Variants in DNAJC13 observed in about 807,000 individuals in gnomAD.
DNAJC13 encodes the protein dnaJ homolog subfamily C member 13.
A neutral mutation model predicts 290.5 loss-of-function variants in DNAJC13; 75 were observed. That is an observed-to-expected ratio of 0.26 (90% confidence interval 0.21 to 0.31). The LOEUF is 0.31. Among genes scored for constraint, DNAJC13 ranks in the 10% least tolerant of loss-of-function variants. The probability of loss-of-function intolerance (pLI) is 1.00; values close to 1 mark genes in which losing one functional copy is unlikely to be tolerated. For synonymous variants in DNAJC13, 862 were observed against 892.0 expected (o/e 0.97, Z 0.60); for missense variants, 2,260 against 2,674.5 (o/e 0.85, Z 3.42).
At chr3:132,445,799 G>T (rs1480491639) in intron 2 of DNAJC13, among the ~76,000 whole-genome samples, 1 of 151,746 alleles carries the variant, frequency 6.6e-6, no homozygotes, top group Admixed American at 6.6e-5. Context: ...TAATTATTTT[G>T]CTTTAAATAA....
intron 42 of DNAJC13, among the ~76,000 whole-genome samples, chr3:132,506,382 A>G (rs1935589269): frequency 6.6e-6 from 1 of 151,458 alleles, no homozygotes; most frequent in Non-Finnish European, 1.5e-5. Context: ...CAGAATAGAC[A>G]TAATAACATC....
At chr3:132,511,309 T>A in intron 44 of DNAJC13, 65 bp downstream of exon 44, 7 of 1,546,902 alleles carry the variant, frequency 4.5e-6, no homozygotes, top group South Asian at 2.4e-5. Context: ...ATTCCAATAA[T>A]CAATTTTATC....
At chr3:132,472,959 A>G (rs949232426) in intron 20 of DNAJC13, among the ~76,000 whole-genome samples, 186 bp from the exon 21 acceptor site, 11 of 152,228 alleles carry the variant, frequency 7.2e-5, no homozygotes, top group Admixed American at 1.3e-4. Flanking sequence ...AAATTATTAT[A>G]TGTGATATAA....
chr3:132,514,488 A>T, intron 45 of DNAJC13, 83 bp from the exon 46 acceptor site: 2 of 870,664 alleles, frequency 2.3e-6, no homozygotes, highest in Non-Finnish European at 3.5e-6. Flanking sequence ...CATTTGTCTC[A>T]CTTGTACAGT....
intron 33 of DNAJC13, among the ~76,000 whole-genome samples, chr3:132,493,672 T>G (rs766722620): frequency 1.3e-5 from 2 of 152,126 alleles, no homozygotes; most frequent in Non-Finnish European, 2.9e-5. Flanking sequence ...TTACATTTGT[T>G]TGAATGCTAG....
intron 1 of DNAJC13, 80 bp downstream of exon 1, chr3:132,417,840 G>T: frequency 6.5e-6 from 1 of 153,064 alleles, no homozygotes; most frequent in Non-Finnish European, 1.5e-5. Context: ...TGGGGCTCAG[G>T]GCAGGGAAAA....
Position 132,447,932 on chromosome 3 carries a change from C to G in DNAJC13, c.329C>G (p.Thr110Arg). The G allele has an allele frequency of 6.4e-7, 1 of 1,564,450 alleles. No individual in the cohort carries two copies. The highest frequency in any genetic ancestry group is 8.8e-7 in the Non-Finnish European group (1 of 1,138,344). ...FRTDFSEGKI[T>R]GRRYNCYKHH... ...ACTGATTTTTCAGAGGGAAAAATCA[C>G]AGGAAGGGTAAATATTTAACATTTA... Residue 110 changes from threonine (T) to arginine (R), a missense_variant, in exon 5 of 56, where the codon ACA becomes AGA. Thr to Arg is a moderately conservative substitution (Grantham distance 71). Transcript: ENST00000260818.
intron 8 of DNAJC13, 145 bp downstream of exon 8, chr3:132,453,839 T>C (rs1311709122): frequency 1.3e-6 from 1 of 764,520 alleles, no homozygotes; most frequent in East Asian, 2.7e-5. Flanking sequence ...TTTATATTAA[T>C]TGATCATAGA....
At chr3:132,477,255 A>G (rs750852428) in intron 22 of DNAJC13, among the ~76,000 whole-genome samples, 6 of 152,230 alleles carry the variant, frequency 3.9e-5, no homozygotes, top group Non-Finnish European at 8.8e-5. Flanking sequence ...CTTGAGACAC[A>G]CAGCCTGAGT....
At chr3:132,482,852 C>T (rs1439745796) in intron 27 of DNAJC13, among the ~76,000 whole-genome samples, 1 of 151,292 alleles carries the variant, frequency 6.6e-6, no homozygotes, top group Non-Finnish European at 1.5e-5. Context: ...AATAGCGAGA[C>T]CCTATCTCCA....
chr3:132,430,572 C>T (rs1461402021), intron 1 of DNAJC13, among the ~76,000 whole-genome samples: 1 of 152,158 alleles, frequency 6.6e-6, no homozygotes, highest in Non-Finnish European at 1.5e-5. Context: ...GCCCTTGGTA[C>T]AGAGTCAGTT....
Position 132,495,161 on chromosome 3 carries a change from G to A in DNAJC13, c.4015G>A (p.Gly1339Arg), listed in dbSNP as rs1397466882. 6.2e-7 allele frequency: 1 copy of A among 1,612,866 alleles called. No individual in the cohort carries two copies. Among genetic ancestry groups the A allele is most frequent in the East Asian group, 2.2e-5 (1 of 44,854 alleles). ...QKYHPDKNPE[G>R]RDMFEKVNKA... ...GTACCACCCTGATAAGAATCCAGAA[G>A]GGAGGGTATGTACTGCTGTTGGAAT... The change falls in exon 35 of 56, where the codon GGG (glycine) becomes AGG (arginine). Residue 1339 changes from glycine (G) to arginine (R), a missense_variant. By Grantham distance (125) the Gly-to-Arg change is moderately radical (BLOSUM62 -2). This residue lies in a region of DNAJC13 where 1,494 missense variants were observed against 1,693.7 expected (regional missense o/e 0.88). Transcript: ENST00000260818.
At chr3:132,455,071 A>G (rs1443492815) in intron 9 of DNAJC13, among the ~76,000 whole-genome samples, 2 of 152,220 alleles carry the variant, frequency 1.3e-5, no homozygotes, top group Non-Finnish European at 2.9e-5. Flanking sequence ...GACACCATTT[A>G]GAAAAAGAAA....
intron 1 of DNAJC13, among the ~76,000 whole-genome samples, chr3:132,433,426 T>G (rs1375406966): frequency 6.6e-6 from 1 of 152,022 alleles, no homozygotes; most frequent in African/African-American, 2.4e-5. Context: ...AGTGTAGGCA[T>G]ATGCTACCAT....
Position 132,511,158 on chromosome 3 carries a change from A to G in DNAJC13, c.5207A>G (p.Lys1736Arg). The change falls in exon 44 of 56, where the codon AAA becomes AGA. Residue 1736 changes from lysine (K) to arginine (R), a missense_variant. Lys to Arg is a conservative substitution (Grantham distance 26, BLOSUM62 2). Coordinates refer to ENST00000260818, the MANE Select transcript of DNAJC13 (RefSeq NM_015268.4). ...TTCATGGCCATCACACACGCGGCAA[A>G]AGTGGAGTCAGAGCAACATGGAGAT... ...HTFMAITHAA[K>R]VESEQHGDRL... 1 of 1,613,992 alleles carries G rather than the reference A, an allele frequency of 6.2e-7. No individual in the cohort carries two copies. The highest frequency in any genetic ancestry group is 2.2e-5 in the East Asian group (1 of 44,876).
At chr3:132,518,228 C>T (rs1315905502) in intron 48 of DNAJC13, among the ~76,000 whole-genome samples, 1 of 152,192 alleles carries the variant, frequency 6.6e-6, no homozygotes, top group Admixed American at 6.5e-5. Flanking sequence ...GGTTATATTT[C>T]TGACCTTTGA....
chr3:132,527,795 T>A (rs745704722), intron 53 of DNAJC13, among the ~76,000 whole-genome samples: 13 of 152,118 alleles, frequency 8.5e-5, no homozygotes, highest in Non-Finnish European at 1.5e-4. Context: ...TTGAAGAAAA[T>A]ATGAAAAAAT....
intron 48 of DNAJC13, 70 bp from the exon 49 acceptor site, chr3:132,522,758 G>T: frequency 7.7e-7 from 1 of 1,291,010 alleles, no homozygotes; most frequent in Non-Finnish European, 1.1e-6. Context: ...TATCTTATTA[G>T]CAAAATACAA....
intron 2 of DNAJC13, among the ~76,000 whole-genome samples, chr3:132,444,130 C>T (rs929917297): frequency 5.9e-5 from 9 of 152,074 alleles, no homozygotes; most frequent in African/African-American, 2.2e-4. Context: ...CATCCACCTC[C>T]TGCACATGAG....
Sources: allele counts gnomAD v4.1 joint callset (sites outside exome capture counted in the v4.1 genomes callset), GRCh38; gene constraint gnomAD v4.1.1; regional missense constraint gnomAD v4.1.1; transcripts MANE v1.5; gene names NCBI Gene and HGNC (gene_info 2026-07-23, HGNC 2026-07-21).